The following SRGAP2B variants were observed in gnomAD, a reference collection of about 807,000 sequenced individuals.
SRGAP2B encodes the protein SLIT-ROBO Rho GTPase activating protein 2B.
In SRGAP2B, 9 loss-of-function variants were observed where a neutral mutation model predicts 22.2. The ratio of observed to expected loss-of-function variants is 0.41; its 90% CI spans 0.24 to 0.71. The LOEUF is 0.71. Among genes scored for constraint, SRGAP2B ranks in the 30% least tolerant of loss-of-function variants. The pLI, the probability that SRGAP2B is intolerant of heterozygous loss-of-function variation, is 0.35. For missense variants in SRGAP2B, 114 were observed against 235.8 expected, an observed-to-expected ratio of 0.48 and a Z score of 3.38; for synonymous variants, 36 against 87.4, an observed-to-expected ratio of 0.41 and a Z score of 3.28.
At chr1:144,993,868 A>G (rs1553617958) in intron 3 of SRGAP2B, among the ~76,000 whole-genome samples, 46 of 149,916 alleles carry the variant, frequency 3.1e-4, no homozygotes, top group Non-Finnish European at 2.9e-5. Flanking sequence ...CTGTAGACCA[A>G]GCTTGTCCAA....
intron 3 of SRGAP2B, among the ~76,000 whole-genome samples, chr1:144,972,978 T>C (rs1213974315): frequency 7.2e-6 from 1 of 138,166 alleles, no homozygotes; most frequent in African/African-American, 3.0e-5. Flanking sequence ...CATGGTGGTG[T>C]GCACCTGTGG....
chr1:145,094,027 T>C (rs1490210227), intron 1 of SRGAP2B, among the ~76,000 whole-genome samples: 4 of 144,422 alleles, frequency 2.8e-5, no homozygotes, highest in African/African-American at 8.1e-5. Context: ...TGTGGTCAGC[T>C]GAAGCAGGAA....
chr1:145,025,948 G>A (rs1647683556), intron 2 of SRGAP2B, among the ~76,000 whole-genome samples: 1 of 147,790 alleles, frequency 6.8e-6, no homozygotes, highest in East Asian at 2.1e-4. Context: ...GCCTTGGGGA[G>A]GGCAGGGGAT....
chr1:144,969,814 C>G (rs1409229698), intron 3 of SRGAP2B, among the ~76,000 whole-genome samples: 1 of 150,764 alleles, frequency 6.6e-6, no homozygotes, highest in East Asian at 1.9e-4. Flanking sequence ...AAACAAACAA[C>G]CCCATCAAAA....
At chr1:144,945,571 A>G (rs1666435571) in intron 4 of SRGAP2B, among the ~76,000 whole-genome samples, 1 of 151,280 alleles carries the variant, frequency 6.6e-6, no homozygotes, top group African/African-American at 2.5e-5. Flanking sequence ...AGCCTGGGGG[A>G]CAGAGACTCC....
intron 2 of SRGAP2B, among the ~76,000 whole-genome samples, chr1:145,041,726 GT>G (rs1240057575): frequency 7.1e-6 from 1 of 141,478 alleles, no homozygotes; most frequent in East Asian, 2.0e-4. Flanking sequence ...TATTTCCATG[GT>G]TCCCCACTGG....
At position 144,950,773 on chromosome 1, in the gene SRGAP2B, G is replaced by C. The variant is rs1213606104; in HGVS notation, c.423+4666C>G. Among the ~76,000 whole-genome samples, 4 of 150,540 alleles carry C rather than the reference G, an allele frequency of 2.7e-5. No individual in the cohort carries two copies. In the East Asian group the frequency reaches 7.7e-4, roughly 29 times the overall value. ...TTAGAGAATCCTAATACAGTATGTA[G>C]ATGAAAATGTTGGATTCTAGAGCCA... On this transcript the variant is annotated intron_variant, in intron 4 of 9. Transcript: ENST00000612199.
At chr1:144,942,178 T>TA (rs1487170010) in intron 4 of SRGAP2B, among the ~76,000 whole-genome samples, 3 of 140,152 alleles carry the variant, frequency 2.1e-5, no homozygotes, top group African/African-American at 8.5e-5. Context: ...TTAATACATG[T>TA]AAAACACCTA....
chr1:144,956,871 A>G (rs1199648641), intron 3 of SRGAP2B, among the ~76,000 whole-genome samples: 2 of 148,818 alleles, frequency 1.3e-5, no homozygotes, highest in African/African-American at 2.5e-5. Context: ...GAGAGAAACA[A>G]AAGTAGGAAT....
At chr1:144,915,730 A>T (rs1465034389) in intron 4 of SRGAP2B, among the ~76,000 whole-genome samples, 6 of 151,156 alleles carry the variant, frequency 4.0e-5, no homozygotes, top group Non-Finnish European at 8.8e-5. Flanking sequence ...CTGTCTCAAA[A>T]AAAAGAAAAG....
intron 3 of SRGAP2B, among the ~76,000 whole-genome samples, chr1:144,958,274 A>T (rs1159451133): frequency 6.6e-6 from 1 of 151,124 alleles, no homozygotes; most frequent in Non-Finnish European, 1.5e-5. Flanking sequence ...CTCAAAAGAA[A>T]AGATGACTGA....
intron 3 of SRGAP2B, among the ~76,000 whole-genome samples, chr1:144,965,445 A>G (rs1194940170): frequency 1.4e-5 from 2 of 144,554 alleles, no homozygotes; most frequent in African/African-American, 5.6e-5. Flanking sequence ...TGTTAGAAGG[A>G]AAACTAACAA....
At position 144,993,630 on chromosome 1, in the gene SRGAP2B, A is replaced by G. The variant is rs1417076189; in HGVS notation, c.260+1378T>C. ...GGTAGGCTGAGGCAGGAGGATCACT[A>G]GAGCCCAAGAGTTTGAGGCTGCAGG... On this transcript the variant is annotated intron_variant, in intron 3 of 9. Coordinates refer to ENST00000612199, the Ensembl canonical transcript of SRGAP2B. Among the ~76,000 whole-genome samples, 5 of 149,356 alleles carry G rather than the reference A, an allele frequency of 3.3e-5. No homozygotes were observed. The East Asian group carries it at 7.8e-4, about 23-fold the overall frequency.
chr1:144,913,055 T>G (rs1284549584), intron 5 of SRGAP2B, among the ~76,000 whole-genome samples: 1 of 144,466 alleles, frequency 6.9e-6, no homozygotes, highest in Admixed American at 6.9e-5. Flanking sequence ...TTCCAAGGTT[T>G]TCTTCCTCAC....
Position 145,022,982 on chromosome 1 carries a change from T to C in SRGAP2B, c.68-27782A>G, listed in dbSNP as rs1367689225. 1.7e-4 allele frequency among the ~76,000 whole-genome samples: 26 copies of C among 149,668 alleles called. 1 individual carries two copies. The highest frequency in any genetic ancestry group is 1.7e-3 in the Admixed American group (26 of 15,066). On this transcript the variant is annotated intron_variant, in intron 2 of 9. Coordinates refer to ENST00000612199, the Ensembl canonical transcript of SRGAP2B. ...GAGATCGAGACCATCCTGGCAAATG[T>C]GGTGAAGCCCCGTCTCTACTAAAAA...
chr1:144,927,180 G>A, intron 4 of SRGAP2B, among the ~76,000 whole-genome samples: 2 of 149,210 alleles, frequency 1.3e-5, no homozygotes, highest in Non-Finnish European at 1.5e-5. Flanking sequence ...TCAATCTCCT[G>A]ACCTCGTGAT....
intron 2 of SRGAP2B, among the ~76,000 whole-genome samples, chr1:145,009,188 A>C (rs1239682690): frequency 4.0e-5 from 6 of 148,690 alleles, no homozygotes; most frequent in Admixed American, 2.7e-4. Flanking sequence ...AAAAAAAAAA[A>C]AAAAACCTCC....
intron 3 of SRGAP2B, among the ~76,000 whole-genome samples, chr1:144,975,344 T>C (rs1277326366): frequency 6.7e-6 from 1 of 149,102 alleles, no homozygotes; most frequent in Non-Finnish European, 1.5e-5. Flanking sequence ...CCAAAACTCA[T>C]GTTGAAATTT....
chr1:144,915,621 G>T (rs1288874172), intron 4 of SRGAP2B, among the ~76,000 whole-genome samples: 2 of 151,124 alleles, frequency 1.3e-5, no homozygotes, highest in African/African-American at 4.9e-5. Flanking sequence ...AGCTACTCAG[G>T]AGGCTGAGGC....
Sources: allele counts gnomAD v4.1 joint callset (sites outside exome capture counted in the v4.1 genomes callset), GRCh38; gene constraint gnomAD v4.1.1; transcripts MANE v1.5; gene names NCBI Gene and HGNC (gene_info 2026-07-23, HGNC 2026-07-21).